PRIM2: variants seen among roughly 807,000 people sequenced by gnomAD.
PRIM2 encodes the protein DNA primase large subunit.
In PRIM2, 39 loss-of-function variants were observed where a neutral mutation model predicts 67.3. That is an observed-to-expected ratio of 0.58 (90% CI 0.45 to 0.76). The LOEUF is 0.76. Ranked by LOEUF, PRIM2 falls within the 30% of genes least tolerant of loss-of-function variation. The pLI, the probability that PRIM2 is intolerant of heterozygous loss-of-function variation, is 0.00. For synonymous variants in PRIM2, 143 were observed against 198.7 expected (o/e 0.72, Z 2.36); for missense variants, 398 against 598.7 (o/e 0.66, Z 3.50).
At chr6:57,489,106 C>T (rs1376236842) in intron 7 of PRIM2, among the ~76,000 whole-genome samples, 1 of 152,214 alleles carries the variant, frequency 6.6e-6, no homozygotes, top group African/African-American at 2.4e-5. Flanking sequence ...GAGTGGGCTT[C>T]CCAAGGGTCC....
chr6:57,373,527 C>T (rs1193222321), intron 5 of PRIM2, among the ~76,000 whole-genome samples: 3 of 152,008 alleles, frequency 2.0e-5, no homozygotes, highest in Non-Finnish European at 4.4e-5. Context: ...AAATCTTTGC[C>T]TGTGCTTATG....
At chr6:57,472,294 G>T (rs1469268562) in intron 7 of PRIM2, among the ~76,000 whole-genome samples, 1 of 152,024 alleles carries the variant, frequency 6.6e-6, no homozygotes, top group African/African-American at 2.4e-5. Flanking sequence ...CCTGGGCGTG[G>T]TGGTGGGCTC....
intron 5 of PRIM2, among the ~76,000 whole-genome samples, chr6:57,341,069 A>G (rs1156904754): frequency 6.6e-6 from 1 of 152,204 alleles, no homozygotes; most frequent in Non-Finnish European, 1.5e-5. Context: ...TTAAAGTAAG[A>G]TGCATAAATT....
intron 7 of PRIM2, among the ~76,000 whole-genome samples, chr6:57,481,073 C>T (rs1773614322): frequency 6.6e-6 from 1 of 151,990 alleles, no homozygotes; most frequent in Admixed American, 6.6e-5. Context: ...TCAGTTTGCC[C>T]GAGTGGTTAC....
the PRIM2 span, among the ~76,000 whole-genome samples, chr6:57,271,580 T>A: frequency 9.2e-5 from 14 of 152,342 alleles, no homozygotes; most frequent in African/African-American, 3.1e-4. Flanking sequence ...AAAAACCAGC[T>A]CCTGGATTCA....
chr6:57,398,480 T>A (rs796351643), intron 7 of PRIM2, among the ~76,000 whole-genome samples: 109 of 152,324 alleles, frequency 7.2e-4, no homozygotes, highest in African/African-American at 1.3e-3. Flanking sequence ...TAGTCTTGAC[T>A]TCTATTATTA....
chr6:57,474,444 G>A (rs1489690879), intron 7 of PRIM2, among the ~76,000 whole-genome samples: 15 of 151,994 alleles, frequency 9.9e-5, no homozygotes, highest in Non-Finnish European at 1.9e-4. Context: ...AAAGTGCTGG[G>A]ATTACAGGCG....
intron 10 of PRIM2, among the ~76,000 whole-genome samples, chr6:57,540,200 T>C (rs1775117843): frequency 6.6e-6 from 1 of 152,096 alleles, no homozygotes; most frequent in South Asian, 2.1e-4. Context: ...TGTATTAGGG[T>C]TCTCCACAGA....
chr6:57,501,193 C>A (rs1774122814), intron 7 of PRIM2, among the ~76,000 whole-genome samples: 2 of 152,060 alleles, frequency 1.3e-5, no homozygotes, highest in South Asian at 2.1e-4. Flanking sequence ...AGAGGGAAGT[C>A]TAAAAAGAAA....
At chr6:57,432,855 C>A (rs2127380281) in intron 7 of PRIM2, among the ~76,000 whole-genome samples, 1 of 152,288 alleles carries the variant, frequency 6.6e-6, no homozygotes, top group Non-Finnish European at 1.5e-5. Flanking sequence ...TAGCAGAATG[C>A]CCAAAGGCTA....
At position 57,332,529 on chromosome 6, in the gene PRIM2, T is replaced by A. The variant is rs184082530; in HGVS notation, c.459+6484T>A. 1.7e-3 allele frequency among the ~76,000 whole-genome samples: 260 copies of A among 152,318 alleles called. 1 individual carries two copies. The highest frequency in any genetic ancestry group is 6.0e-3 in the African/African-American group (248 of 41,578). On this transcript the variant is annotated intron_variant, in intron 5 of 13. Coordinates refer to ENST00000615550, the MANE Select transcript of PRIM2 (RefSeq NM_000947.5). ...TTTAATTCTGTCAATTTTTGCTTCA[T>A]TTATTTTGGGGCTCTCTTGTTAGTT...
At chr6:57,264,731 G>T in the PRIM2 span, among the ~76,000 whole-genome samples, 2 of 151,642 alleles carry the variant, frequency 1.3e-5, no homozygotes, top group Non-Finnish European at 1.5e-5. Flanking sequence ...TGAGTAGCTG[G>T]GACTACAGGT....
chr6:57,485,012 A>T (rs1389735683), intron 7 of PRIM2, among the ~76,000 whole-genome samples: 3 of 152,298 alleles, frequency 2.0e-5, no homozygotes, highest in Admixed American at 1.3e-4. Context: ...GTACTCAAAA[A>T]AGTACTGTTG....
At chr6:57,642,231 G>T (rs1323926415) in intron 13 of PRIM2, among the ~76,000 whole-genome samples, 5 of 152,016 alleles carry the variant, frequency 3.3e-5, no homozygotes, top group African/African-American at 7.2e-5. Flanking sequence ...GGCCTGTTTG[G>T]GGGGGTTGTG....
chr6:57,387,386 G>T (rs1770188619), intron 7 of PRIM2, among the ~76,000 whole-genome samples: 1 of 152,152 alleles, frequency 6.6e-6, no homozygotes, highest in African/African-American at 2.4e-5. Flanking sequence ...CACTGAGAGA[G>T]AAAGGGGTTA....
chr6:57,584,815 T>C (rs1463090252), intron 10 of PRIM2, among the ~76,000 whole-genome samples: 4 of 152,218 alleles, frequency 2.6e-5, no homozygotes, highest in African/African-American at 9.7e-5. Flanking sequence ...CACATAATTG[T>C]AGCATATAAT....
At chr6:57,280,541 ACT>A in the PRIM2 span, among the ~76,000 whole-genome samples, 1 of 151,728 alleles carries the variant, frequency 6.6e-6, no homozygotes, top group Non-Finnish European at 1.5e-5. Flanking sequence ...ATGGAGTCTC[ACT>A]CTGTCACCCA....
chr6:57,480,755 A>G (rs1209825987), intron 7 of PRIM2, among the ~76,000 whole-genome samples: 5 of 152,046 alleles, frequency 3.3e-5, no homozygotes, highest in Non-Finnish European at 7.3e-5. Flanking sequence ...CAGCCTCCCG[A>G]GTAGCTGGTA....
intron 7 of PRIM2, among the ~76,000 whole-genome samples, chr6:57,465,480 G>T (rs1773152549): frequency 6.6e-6 from 1 of 152,152 alleles, no homozygotes; most frequent in Non-Finnish European, 1.5e-5. Flanking sequence ...TTTCTTCACG[G>T]AACCTGTTTT....
Sources: gnomAD v4.1 joint callset for allele counts (sites outside exome capture counted in the v4.1 genomes callset) on GRCh38, gnomAD v4.1.1 for gene constraint, MANE v1.5 for transcripts, NCBI Gene and HGNC (gene_info 2026-07-23, HGNC 2026-07-21) for gene names.